The following SMYD3 variants were observed in gnomAD, a reference collection of about 807,000 sequenced individuals.
The protein encoded by SMYD3 is histone-lysine N-methyltransferase SMYD3.
SMYD3 carries 36 observed loss-of-function variants against 57.7 expected under a neutral mutation model. The observed-to-expected ratio is 0.62, with a 90% CI of 0.48 to 0.82. The LOEUF is 0.82. Among genes scored for constraint, SMYD3 ranks in the 40% least tolerant of loss-of-function variants. The pLI, the probability that SMYD3 is intolerant of heterozygous loss-of-function variation, is 0.00. For synonymous variants in SMYD3, 211 were observed against 195.0 expected, an observed-to-expected ratio of 1.08 and a Z score of -0.68; for missense variants, 515 against 538.8, an observed-to-expected ratio of 0.96 and a Z score of 0.44.
intron 8 of SMYD3, among the ~76,000 whole-genome samples, chr1:245,893,715 G>T (rs1037431824): frequency 6.6e-6 from 1 of 151,544 alleles, no homozygotes; most frequent in Non-Finnish European, 1.5e-5. Context: ...AACGCAGTAC[G>T]AAGGAATTTG....
chr1:246,382,304 C>T (rs2066401482), intron 1 of SMYD3, among the ~76,000 whole-genome samples: 1 of 152,094 alleles, frequency 6.6e-6, no homozygotes, highest in South Asian at 2.1e-4. Flanking sequence ...CCATGTCAGC[C>T]GCTACAACTC....
At chr1:246,433,287 C>A (rs919578834) in intron 1 of SMYD3, among the ~76,000 whole-genome samples, 1 of 152,114 alleles carries the variant, frequency 6.6e-6, no homozygotes, top group Non-Finnish European at 1.5e-5. Flanking sequence ...AGGAAAACTA[C>A]AAAACACTGC....
intron 5 of SMYD3, among the ~76,000 whole-genome samples, chr1:246,319,650 G>T (rs964582590): frequency 2.0e-5 from 3 of 152,140 alleles, no homozygotes; most frequent in Admixed American, 2.0e-4. Flanking sequence ...AAACCCTCAA[G>T]TGACAAACAT....
At chr1:246,506,982 G>GCCCCCCCCCCCCCCCCCC in intron 1 of SMYD3, 72 bp downstream of exon 1, 1 of 648,610 alleles carries the variant, frequency 1.5e-6, no homozygotes, top group Non-Finnish European at 2.2e-6. Context: ...GCTGCCGGCC[G>GCCCCCCCCCCCCCCCCCC]CCCGACGCCC....
At chr1:245,999,586 G>T (rs1572867851) in intron 5 of SMYD3, among the ~76,000 whole-genome samples, 1 of 150,168 alleles carries the variant, frequency 6.7e-6, no homozygotes, top group East Asian at 2.1e-4. Flanking sequence ...AGACCTAAGA[G>T]TGAGTCAAAA....
At chr1:245,882,997 C>T (rs2052871284) in intron 8 of SMYD3, among the ~76,000 whole-genome samples, 1 of 152,160 alleles carries the variant, frequency 6.6e-6, no homozygotes, top group South Asian at 2.1e-4. Flanking sequence ...AATGTAGCAG[C>T]ACTGTGATTG....
At chr1:246,335,543 C>T (rs977409254) in intron 2 of SMYD3, 69 bp from the exon 3 acceptor site, 2 of 1,175,808 alleles carry the variant, frequency 1.7e-6, no homozygotes, top group African/African-American at 3.0e-5. Context: ...TGGTTTTGAA[C>T]ATCAAGAGTC....
intron 5 of SMYD3, among the ~76,000 whole-genome samples, chr1:246,268,500 C>G (rs2064154577): frequency 6.7e-6 from 1 of 149,854 alleles, no homozygotes; most frequent in African/African-American, 2.4e-5. Flanking sequence ...GAGATCCAGA[C>G]CATCCTGACC....
intron 1 of SMYD3, among the ~76,000 whole-genome samples, chr1:246,418,161 G>A (rs1317793167): frequency 6.6e-6 from 1 of 152,170 alleles, no homozygotes; most frequent in African/African-American, 2.4e-5. Flanking sequence ...GAGCCAGAGG[G>A]GGAGGAAAAA....
At chr1:246,234,615 G>C (rs376831714) in intron 5 of SMYD3, among the ~76,000 whole-genome samples, 1 of 87,196 alleles carries the variant, frequency 1.1e-5, no homozygotes, top group Non-Finnish European at 2.2e-5. Flanking sequence ...AATTCACACT[G>C]TGATGGCTAT....
chr1:245,944,295 C>A (rs1240672832), intron 5 of SMYD3, among the ~76,000 whole-genome samples: 4 of 151,856 alleles, frequency 2.6e-5, no homozygotes, highest in African/African-American at 9.7e-5. Flanking sequence ...AGCAAACTCT[C>A]GGGATTAAAA....
intron 5 of SMYD3, among the ~76,000 whole-genome samples, chr1:246,101,088 T>A: frequency 7.2e-6 from 1 of 139,398 alleles, no homozygotes; most frequent in South Asian, 2.6e-4. Flanking sequence ...TTTTTTTTTT[T>A]TTTTTTTTTT....
chr1:246,502,287 C>A (rs769511208), intron 1 of SMYD3, among the ~76,000 whole-genome samples: 1 of 151,932 alleles, frequency 6.6e-6, no homozygotes, highest in Non-Finnish European at 1.5e-5. Flanking sequence ...TACAGGCATG[C>A]ACCCAGGTAA....
chr1:246,167,913 TCA>T, intron 5 of SMYD3, among the ~76,000 whole-genome samples: 1 of 152,252 alleles, frequency 6.6e-6, no homozygotes, highest in Admixed American at 6.5e-5. Context: ...AAAGGTCTAT[TCA>T]ACTCCTTTGC....
intron 5 of SMYD3, among the ~76,000 whole-genome samples, chr1:246,003,863 T>A (rs2059124547): frequency 6.6e-6 from 1 of 152,252 alleles, no homozygotes; most frequent in Non-Finnish European, 1.5e-5. Context: ...TACAGTCGTG[T>A]AAATCTAAGT....
chr1:245,797,098 T>C (rs1163137086), intron 10 of SMYD3, among the ~76,000 whole-genome samples: 1 of 152,230 alleles, frequency 6.6e-6, no homozygotes, highest in African/African-American at 2.4e-5. Context: ...AGGCACTTTC[T>C]ATTCAAGTAC....
chr1:245,895,304 G>A (rs1032810301), intron 8 of SMYD3, among the ~76,000 whole-genome samples: 6 of 152,064 alleles, frequency 3.9e-5, no homozygotes, highest in African/African-American at 1.2e-4. Flanking sequence ...ATGAACACAC[G>A]CACACGCACG....
At chr1:246,036,627 C>T (rs1255787734) in intron 5 of SMYD3, among the ~76,000 whole-genome samples, 1 of 150,668 alleles carries the variant, frequency 6.6e-6, no homozygotes, top group Non-Finnish European at 1.5e-5. Context: ...GATCTCGGCT[C>T]ACTGCAAGCT....
At chr1:246,121,432 C>CAAAA (rs10646615) in intron 5 of SMYD3, among the ~76,000 whole-genome samples, 168 of 100,262 alleles carry the variant, frequency 1.7e-3, no homozygotes, top group East Asian at 4.7e-3. Context: ...TTCCATTTTG[C>CAAAA]AAAAAAAAAA....
Sources: allele counts gnomAD v4.1 joint callset (sites outside exome capture counted in the v4.1 genomes callset), GRCh38; gene constraint gnomAD v4.1.1; transcripts MANE v1.5; gene names NCBI Gene and HGNC (gene_info 2026-07-23, HGNC 2026-07-21).